The following CCDC12 variants were observed in gnomAD, a reference collection of about 807,000 sequenced individuals.
CCDC12 encodes the protein coiled-coil domain-containing protein 12.
In CCDC12, 28 loss-of-function variants were observed where a neutral mutation model predicts 25.7. That is an observed-to-expected ratio of 1.09 (90% CI 0.81 to 1.50). The LOEUF is 1.50. Among genes scored for constraint, CCDC12 ranks in the 40% most tolerant of loss-of-function variants. The pLI is 0.00. For missense variants in CCDC12, 198 were observed against 210.0 expected, an observed-to-expected ratio of 0.94 and a Z score of 0.35; for synonymous variants, 75 against 87.7, an observed-to-expected ratio of 0.86 and a Z score of 0.81.
At chr3:46,961,633 A>G (rs1182791362) in intron 1 of CCDC12, among the ~76,000 whole-genome samples, 1 of 152,246 alleles carries the variant, frequency 6.6e-6, no homozygotes, top group East Asian at 1.9e-4. Context: ...GAAATGTCTG[A>G]ATGTTTTGTT....
At chr3:46,949,981 G>A (rs2034050733) in intron 1 of CCDC12, among the ~76,000 whole-genome samples, 1 of 147,776 alleles carries the variant, frequency 6.8e-6, no homozygotes. Context: ...AGCCAAGATT[G>A]CGCTACCACA....
intron 1 of CCDC12, among the ~76,000 whole-genome samples, chr3:46,973,032 TCTC>T (rs2034852318): frequency 6.6e-6 from 1 of 150,968 alleles, no homozygotes; most frequent in Admixed American, 6.6e-5. Context: ...TGATCTCCCT[TCTC>T]CTCACCTGAC....
chr3:46,976,808 G>A, upstream of CCDC12: 1 of 1,545,874 alleles, frequency 6.5e-7, no homozygotes. Flanking sequence ...ATGTCTCGCG[G>A]CCAATCCAAG....
intron 1 of CCDC12, among the ~76,000 whole-genome samples, chr3:46,959,269 G>A (rs1379040336): frequency 6.6e-6 from 1 of 152,176 alleles, no homozygotes; most frequent in Non-Finnish European, 1.5e-5. Flanking sequence ...AGAACCACAT[G>A]AGGAGTCAAT....
chr3:46,928,531 G>A (rs1219125981), intron 2 of CCDC12, among the ~76,000 whole-genome samples: 1 of 152,044 alleles, frequency 6.6e-6, no homozygotes, highest in Non-Finnish European at 1.5e-5. Context: ...AATCTCATGG[G>A]CCTGGAGAGA....
intron 1 of CCDC12, among the ~76,000 whole-genome samples, chr3:46,953,464 T>A (rs1366615112): frequency 6.6e-6 from 1 of 152,116 alleles, no homozygotes; most frequent in Admixed American, 6.6e-5. Context: ...TTAATTCTGC[T>A]GTCAAAATGA....
intron 1 of CCDC12, among the ~76,000 whole-genome samples, chr3:46,970,471 C>A (rs1039991239): frequency 4.6e-5 from 7 of 152,238 alleles, no homozygotes; most frequent in Admixed American, 2.0e-4. Flanking sequence ...TGGCCCATGG[C>A]TACAGTACTA....
intron 5 of CCDC12, 101 bp downstream of exon 5, chr3:46,923,228 G>A: frequency 9.2e-6 from 11 of 1,201,202 alleles, no homozygotes; most frequent in Non-Finnish European, 1.2e-5. Flanking sequence ...TGTACTGCCA[G>A]TCTCTGCACT....
chr3:46,935,507 A>T (rs563251291), intron 2 of CCDC12, among the ~76,000 whole-genome samples: 109 of 142,104 alleles, frequency 7.7e-4, no homozygotes, highest in African/African-American at 1.5e-3. Context: ...AGAGCTTTTT[A>T]AAAAAAAAAA....
At chr3:46,968,936 G>A (rs563145073) in intron 1 of CCDC12, among the ~76,000 whole-genome samples, 8 of 152,166 alleles carry the variant, frequency 5.3e-5, no homozygotes, top group Non-Finnish European at 7.4e-5. Flanking sequence ...GATGGAACAC[G>A]ATTCTGCCAC....
At chr3:46,924,347 C>T (rs892062622) in intron 3 of CCDC12, among the ~76,000 whole-genome samples, 7 of 152,228 alleles carry the variant, frequency 4.6e-5, no homozygotes, top group Non-Finnish European at 1.0e-4. Context: ...CAGTTCCTCA[C>T]CTCTCTGTCC....
intron 1 of CCDC12, among the ~76,000 whole-genome samples, chr3:46,948,220 A>G (rs2033978635): frequency 6.6e-6 from 1 of 152,224 alleles, no homozygotes; most frequent in East Asian, 1.9e-4. Context: ...GTGCTTCACC[A>G]AGAGTCAGCA....
intron 2 of CCDC12, among the ~76,000 whole-genome samples, chr3:46,938,158 T>C (rs886301318): frequency 6.6e-6 from 1 of 150,644 alleles, no homozygotes; most frequent in African/African-American, 2.4e-5. Context: ...AGAACCCAAT[T>C]CAATGTCCAG....
At chr3:46,938,858 A>G (rs1426503541) in intron 2 of CCDC12, among the ~76,000 whole-genome samples, 2 of 151,830 alleles carry the variant, frequency 1.3e-5, no homozygotes, top group South Asian at 2.1e-4. Context: ...TCTCAAAAAA[A>G]AGAAAAAAAA....
chr3:46,981,872 C>T (rs1277667680), intron 1 of CCDC12: 1 of 152,368 alleles, frequency 6.6e-6, no homozygotes, highest in African/African-American at 2.4e-5. Context: ...CCCCCCATCC[C>T]CTCAGGAGGT....
chr3:46,922,195 C>T lies in CCDC12; in HGVS notation c.418+41G>A, dbSNP rs2032710312. Reference sequence around the variant, plus strand: ...GAGGGGCCCGGTGCTTGGGCCACCACCCAGTGGGCAGGACCCCACCTTCCC... The same window carrying T: ...GAGGGGCCCGGTGCTTGGGCCACCATCCAGTGGGCAGGACCCCACCTTCCC... On this transcript the variant is annotated intron_variant, in intron 6 of 6. Transcript: ENST00000683445. 3 of 1,613,982 alleles carry T rather than the reference C, an allele frequency of 1.9e-6. No homozygotes were observed. In the South Asian group the frequency reaches 3.3e-5, roughly 18 times the overall value.
upstream of CCDC12, among the ~76,000 whole-genome samples, chr3:46,978,678 T>C (rs13079416): frequency 0.94 from 143,464 of 152,096 alleles, 68,268 homozygotes; most frequent in East Asian, 1. Flanking sequence ...TGGGCCTCAG[T>C]TTCTCCATCT....
intron 2 of CCDC12, among the ~76,000 whole-genome samples, chr3:46,937,587 G>C (rs1288981668): frequency 6.6e-6 from 1 of 152,230 alleles, no homozygotes; most frequent in East Asian, 1.9e-4. Context: ...CAGTGGCAAA[G>C]GAGGCTGTAG....
chr3:46,974,702 A>G (rs2034911656), intron 1 of CCDC12, among the ~76,000 whole-genome samples: 1 of 152,222 alleles, frequency 6.6e-6, no homozygotes, highest in Admixed American at 6.5e-5. Flanking sequence ...TAGGGGTCAG[A>G]CTGTCCAGCC....
Sources: gnomAD v4.1 joint callset for allele counts (sites outside exome capture counted in the v4.1 genomes callset) on GRCh38, gnomAD v4.1.1 for gene constraint, MANE v1.5 for transcripts, NCBI Gene and HGNC (gene_info 2026-07-23, HGNC 2026-07-21) for gene names.